SLC44A1: variants seen among roughly 807,000 people sequenced by gnomAD.
SLC44A1 encodes the protein solute carrier family 44 member 1, also known as choline transporter-like protein 1.
A neutral mutation model predicts 79.3 loss-of-function variants in SLC44A1; 26 were observed. The ratio of observed to expected loss-of-function variants is 0.33; its 90% CI spans 0.24 to 0.46. The LOEUF is 0.46. SLC44A1 is among the 20% of genes least tolerant of loss of function. SLC44A1 has a pLI of 1.00. For missense variants in SLC44A1, 688 were observed against 798.1 expected, an observed-to-expected ratio of 0.86 and a Z score of 1.66; for synonymous variants, 263 against 286.2, an observed-to-expected ratio of 0.92 and a Z score of 0.82.
chr9:105,394,627 T>G lies in SLC44A1; in HGVS notation c.*5571T>G. ...CTATGACATTATGACATTATGTGGC[T>G]TAGTGTTATCAGTATACTACTGTCT... is the stretch of plus-strand genomic sequence containing the variant. On this transcript the variant is annotated 3_prime_UTR_variant, in exon 16 of 16. Transcript: ENST00000374720. 1 of 985,262 alleles carries G rather than the reference T, an allele frequency of 1.0e-6. No individual in the cohort carries two copies. Among genetic ancestry groups the G allele is most frequent in the Non-Finnish European group, 1.2e-6 (1 of 829,784 alleles). 61.0% of individuals were successfully genotyped at this position (985,262 alleles called of 1,614,324 possible).
intron 15 of SLC44A1, chr9:105,386,247 G>A: frequency 9.2e-6 from 9 of 980,700 alleles, no homozygotes; most frequent in Non-Finnish European, 1.1e-5. Flanking sequence ...CTTTTCACAT[G>A]GATATTGTCA....
intron 13 of SLC44A1, among the ~76,000 whole-genome samples, chr9:105,376,877 A>G (rs1051929973): frequency 5.3e-5 from 8 of 152,158 alleles, no homozygotes; most frequent in African/African-American, 1.9e-4. Context: ...TCTCTACTCT[A>G]AAGTTTAGAG....
At chr9:105,428,049 C>T (rs1311140841) in intron 15 of SLC44A1, among the ~76,000 whole-genome samples, 3 of 151,978 alleles carry the variant, frequency 2.0e-5, no homozygotes, top group Non-Finnish European at 2.9e-5. Flanking sequence ...AGTACTTTTT[C>T]GGTCATATTA....
chr9:105,307,643 TAAA>T (rs35472593), intron 2 of SLC44A1, among the ~76,000 whole-genome samples: 1 of 139,206 alleles, frequency 7.2e-6, no homozygotes, highest in Admixed American at 7.1e-5. Flanking sequence ...GACTCCATCT[TAAA>T]AAAAAAAAAA....
At position 105,288,263 on chromosome 9, in the gene SLC44A1, T is replaced by G. The variant is rs527356067; in HGVS notation, c.37-10957T>G. On this transcript the variant is annotated intron_variant, in intron 1 of 15. Transcript: ENST00000374720. ...TAATATCCCAGTTGTAGATTTATTT[T>G]CTATTATTGGATAGTTAATTTGTAA... 2.3e-4 allele frequency among the ~76,000 whole-genome samples: 35 copies of G among 149,382 alleles called. No homozygotes were observed. In the South Asian group the frequency reaches 6.8e-3, roughly 29 times the overall value.
intron 15 of SLC44A1, among the ~76,000 whole-genome samples, chr9:105,428,867 A>G (rs534238558): frequency 6.6e-6 from 1 of 152,154 alleles, no homozygotes; most frequent in East Asian, 1.9e-4. Flanking sequence ...CACCACGCCC[A>G]GCTAATTTTT....
At chr9:105,319,698 C>G (rs1826325121) in intron 3 of SLC44A1, among the ~76,000 whole-genome samples, 1 of 152,104 alleles carries the variant, frequency 6.6e-6, no homozygotes. Flanking sequence ...ACCAAGTAAA[C>G]AAAGACACTC....
intron 1 of SLC44A1, among the ~76,000 whole-genome samples, chr9:105,245,997 G>GA (rs1347989875): frequency 2.0e-5 from 3 of 152,224 alleles, no homozygotes; most frequent in Non-Finnish European, 2.9e-5. Flanking sequence ...GGTGGTGTAT[G>GA]AAAAATAGGC....
At chr9:105,377,038 C>G (rs528439981) in intron 13 of SLC44A1, among the ~76,000 whole-genome samples, 3 of 152,042 alleles carry the variant, frequency 2.0e-5, no homozygotes, top group Non-Finnish European at 2.9e-5. Context: ...TTTTTAAAAG[C>G]CTTTTGACTC....
At chr9:105,380,712 G>A (rs559714449) in intron 13 of SLC44A1, among the ~76,000 whole-genome samples, 2 of 152,170 alleles carry the variant, frequency 1.3e-5, no homozygotes, top group East Asian at 1.9e-4. Flanking sequence ...TCCCTAGGAC[G>A]TGGGTATCTC....
At chr9:105,282,559 C>CT (rs898085410) in intron 1 of SLC44A1, among the ~76,000 whole-genome samples, 1 of 149,008 alleles carries the variant, frequency 6.7e-6, no homozygotes, top group Non-Finnish European at 1.5e-5. Flanking sequence ...TTTTTTTTTT[C>CT]TTTTTTTGAG....
At position 105,362,876 on chromosome 9, in the gene SLC44A1, C is replaced by T. The variant is rs1827823292; in HGVS notation, c.956C>T (p.Ala319Val). The T allele has an allele frequency of 1.9e-6, 3 of 1,613,662 alleles. No individual in the cohort carries two copies. Among genetic ancestry groups the T allele is most frequent in the Middle Eastern group, 1.7e-4 (1 of 6,060 alleles). The change falls in exon 9 of 16, where the codon GCC becomes GTC. Residue 319 changes from alanine (A) to valine (V), a missense_variant. Coordinates refer to ENST00000374720, the MANE Select transcript of SLC44A1 (RefSeq NM_080546.5). ...CGCAAACGTGTTGCTCTTACCATCG[C>T]CTTGTTCCACGTAGCTGGCAAGGTC... ...VMRKRVALTI[A>V]LFHVAGKVFI...
At chr9:105,254,773 A>T (rs1829665409) in intron 1 of SLC44A1, among the ~76,000 whole-genome samples, 1 of 152,184 alleles carries the variant, frequency 6.6e-6, no homozygotes, top group African/African-American at 2.4e-5. Flanking sequence ...GAAGAAGAGC[A>T]TTTGAGGTTG....
intron 1 of SLC44A1, among the ~76,000 whole-genome samples, chr9:105,271,242 T>C (rs747320520): frequency 6.6e-6 from 1 of 152,218 alleles, no homozygotes; most frequent in Non-Finnish European, 1.5e-5. Flanking sequence ...TTGTTAGGCT[T>C]GTTAATTTTC....
intron 1 of SLC44A1, among the ~76,000 whole-genome samples, chr9:105,266,077 C>T (rs983528207): frequency 7.9e-5 from 12 of 152,090 alleles, no homozygotes; most frequent in African/African-American, 1.2e-4. Context: ...CCTGTCCTAG[C>T]CTCTCAAGTA....
At position 105,390,308 on chromosome 9, in the gene SLC44A1, A is replaced by G; in HGVS notation, c.*1252A>G. On this transcript the variant is annotated 3_prime_UTR_variant, in exon 16 of 16. Coordinates refer to ENST00000374720, the MANE Select transcript of SLC44A1 (RefSeq NM_080546.5). ...TGTAATTTGCTAAGAATAATTCATG[A>G]TCTGTTTATGCGATAACTCCTTTTT... 1 of 994,992 alleles carries G rather than the reference A, an allele frequency of 1.0e-6. No individual in the cohort carries two copies. Among genetic ancestry groups the G allele is most frequent in the South Asian group, 4.7e-5 (1 of 21,310 alleles). The allele number at this position is 994,992 out of a possible 1,614,324, so 61.6% of individuals were successfully genotyped here. A position where few individuals can be genotyped will look rare whatever the true frequency, so the allele number is the denominator to read the frequency against.
At chr9:105,358,021 G>GT (rs1564456516) in intron 6 of SLC44A1, among the ~76,000 whole-genome samples, 1 of 152,194 alleles carries the variant, frequency 6.6e-6, no homozygotes. Context: ...GTGCTGGCAT[G>GT]TATGTTTGCA....
At chr9:105,357,022 G>A (rs775331808) in intron 6 of SLC44A1, 17 of 152,084 alleles carry the variant, frequency 1.1e-4, no homozygotes, top group African/African-American at 4.1e-4. Flanking sequence ...AACTATGGTA[G>A]GAACCAACAG....
intron 1 of SLC44A1, among the ~76,000 whole-genome samples, chr9:105,256,400 A>G (rs538340764): frequency 1.5e-3 from 234 of 152,258 alleles, no homozygotes; most frequent in Non-Finnish European, 2.9e-3. Flanking sequence ...ACTGAAAGAA[A>G]CTAGATAAAC....
Sources: allele counts gnomAD v4.1 joint callset (sites outside exome capture counted in the v4.1 genomes callset), GRCh38; gene constraint gnomAD v4.1.1; transcripts MANE v1.5; gene names NCBI Gene and HGNC (gene_info 2026-07-23, HGNC 2026-07-21).